The following HS3ST4 variants were observed in gnomAD, a reference collection of about 807,000 sequenced individuals.
The protein encoded by HS3ST4 is heparan sulfate-glucosamine 3-sulfotransferase 4, also known as heparan sulfate glucosamine 3-O-sulfotransferase 4.
HS3ST4 carries 17 observed loss-of-function variants against 29.2 expected under a neutral mutation model. The observed-to-expected ratio is 0.58, with a 90% confidence interval of 0.40 to 0.87. The LOEUF (loss-of-function observed/expected upper bound fraction) is 0.87, where lower values mean the gene tolerates loss of function less well. Among genes scored for constraint, HS3ST4 ranks in the 40% least tolerant of loss-of-function variants. The probability of loss-of-function intolerance (pLI) is 0.00; values close to 1 mark genes in which losing one functional copy is unlikely to be tolerated. For missense variants in HS3ST4, 627 were observed against 634.5 expected, an observed-to-expected ratio of 0.99 and a Z score of 0.13; for synonymous variants, 314 against 285.7, an observed-to-expected ratio of 1.10 and a Z score of -1.00.
At chr16:25,899,271 T>C (rs1053472612) in intron 1 of HS3ST4, among the ~76,000 whole-genome samples, 1 of 152,232 alleles carries the variant, frequency 6.6e-6, no homozygotes, top group Non-Finnish European at 1.5e-5. Flanking sequence ...AATATAAATG[T>C]TCCCCCCATA....
At chr16:25,813,032 C>T (rs1404881991) in intron 1 of HS3ST4, among the ~76,000 whole-genome samples, 1 of 152,170 alleles carries the variant, frequency 6.6e-6, no homozygotes, top group Non-Finnish European at 1.5e-5. Flanking sequence ...AAACAACACT[C>T]ACAGTACATC....
chr16:25,899,431 A>G (rs34841030), intron 1 of HS3ST4, among the ~76,000 whole-genome samples: 33,515 of 152,200 alleles, frequency 0.22, 4,356 homozygotes, highest in Middle Eastern at 0.3. Flanking sequence ...CTGAACCTAC[A>G]GAGGAAGGGC....
intron 1 of HS3ST4, among the ~76,000 whole-genome samples, chr16:25,983,199 C>G (rs1969026284): frequency 6.6e-6 from 1 of 152,212 alleles, no homozygotes; most frequent in Non-Finnish European, 1.5e-5. Flanking sequence ...CCTTTTTCTT[C>G]TGGCTCACTT....
chr16:25,821,784 G>T (rs1967159229), intron 1 of HS3ST4, among the ~76,000 whole-genome samples: 1 of 152,012 alleles, frequency 6.6e-6, no homozygotes, highest in African/African-American at 2.4e-5. Context: ...AAAATTAGCT[G>T]GGCATAGGGG....
At chr16:25,958,228 T>C (rs1465070130) in intron 1 of HS3ST4, among the ~76,000 whole-genome samples, 1 of 152,242 alleles carries the variant, frequency 6.6e-6, no homozygotes, top group African/African-American at 2.4e-5. Flanking sequence ...ACTTTGGTTA[T>C]CTTTGCTGCG....
intron 1 of HS3ST4, among the ~76,000 whole-genome samples, chr16:26,094,395 A>G (rs1164206773): frequency 6.6e-6 from 1 of 152,264 alleles, no homozygotes; most frequent in East Asian, 1.9e-4. Context: ...AGGGAAGCCC[A>G]TCAGACTAAC....
intron 1 of HS3ST4, among the ~76,000 whole-genome samples, chr16:26,009,877 C>T (rs533224870): frequency 6.6e-6 from 1 of 152,336 alleles, no homozygotes; most frequent in African/African-American, 2.4e-5. Flanking sequence ...TGTCTCAACT[C>T]TAAGACCTGA....
intron 1 of HS3ST4, among the ~76,000 whole-genome samples, chr16:25,790,388 A>C (rs1439693567): frequency 6.6e-6 from 1 of 152,182 alleles, no homozygotes; most frequent in Non-Finnish European, 1.5e-5. Context: ...CAGCCCGGGC[A>C]ACAGAGTGAG....
At chr16:25,956,093 G>A (rs968026439) in intron 1 of HS3ST4, among the ~76,000 whole-genome samples, 1 of 152,092 alleles carries the variant, frequency 6.6e-6, no homozygotes, top group Non-Finnish European at 1.5e-5. Context: ...TGGGATTACG[G>A]GTGTGAGCCA....
intron 1 of HS3ST4, among the ~76,000 whole-genome samples, chr16:26,086,365 T>TC (rs1423363880): frequency 6.6e-6 from 1 of 151,900 alleles, no homozygotes; most frequent in Non-Finnish European, 1.5e-5. Flanking sequence ...TTTTCTTTTT[T>TC]TTGAGACAGA....
chr16:25,965,231 C>T (rs952270914), intron 1 of HS3ST4, among the ~76,000 whole-genome samples: 1 of 151,886 alleles, frequency 6.6e-6, no homozygotes. Context: ...ACATTGGCCT[C>T]AGCATTCGGG....
chr16:25,960,400 G>C (rs546754991), intron 1 of HS3ST4, among the ~76,000 whole-genome samples: 1 of 152,312 alleles, frequency 6.6e-6, no homozygotes, highest in East Asian at 1.9e-4. Context: ...AAGGAGAATA[G>C]AAAATATAAA....
chr16:25,887,152 T>G (rs1240862196), intron 1 of HS3ST4, among the ~76,000 whole-genome samples: 1 of 152,090 alleles, frequency 6.6e-6, no homozygotes, highest in Non-Finnish European at 1.5e-5. Flanking sequence ...AGGCTGTTCG[T>G]GAAAGGAATG....
chr16:25,834,965 A>G (rs535729452), intron 1 of HS3ST4, among the ~76,000 whole-genome samples: 1 of 152,218 alleles, frequency 6.6e-6, no homozygotes, highest in East Asian at 1.9e-4. Flanking sequence ...CACAAAACAC[A>G]AAAAACAATA....
intron 1 of HS3ST4, among the ~76,000 whole-genome samples, chr16:26,103,239 T>G (rs2141797930): frequency 6.6e-6 from 1 of 152,232 alleles, no homozygotes; most frequent in African/African-American, 2.4e-5. Flanking sequence ...AAAGAAGGTG[T>G]TGTTATCACC....
intron 1 of HS3ST4, among the ~76,000 whole-genome samples, chr16:25,806,493 C>T (rs888618527): frequency 6.6e-5 from 10 of 152,248 alleles, no homozygotes; most frequent in African/African-American, 1.7e-4. Flanking sequence ...CTGTGCCAAC[C>T]GTGTGCACTT....
At chr16:25,927,066 G>GAA (rs57586066) in intron 1 of HS3ST4, among the ~76,000 whole-genome samples, 10 of 148,438 alleles carry the variant, frequency 6.7e-5, no homozygotes, top group Admixed American at 1.3e-4. Flanking sequence ...CCGTCTAAAA[G>GAA]AAAAAAAAAA....
At chr16:26,057,698 C>T (rs188405595) in intron 1 of HS3ST4, among the ~76,000 whole-genome samples, 30 of 152,282 alleles carry the variant, frequency 2.0e-4, no homozygotes, top group African/African-American at 5.1e-4. Context: ...GAGCCAAGAT[C>T]GCTCCACTGC....
intron 1 of HS3ST4, among the ~76,000 whole-genome samples, chr16:25,694,563 A>G (rs1294998140): frequency 6.6e-6 from 1 of 152,224 alleles, no homozygotes; most frequent in Non-Finnish European, 1.5e-5. Context: ...GCCTAATTTA[A>G]CTGGAAAATC....
Sources: allele counts gnomAD v4.1 joint callset (sites outside exome capture counted in the v4.1 genomes callset), GRCh38; gene constraint gnomAD v4.1.1; transcripts MANE v1.5; gene names NCBI Gene and HGNC (gene_info 2026-07-23, HGNC 2026-07-21).